The following WDR72 variants were observed in gnomAD, a reference collection of about 807,000 sequenced individuals.
The protein encoded by WDR72 is WD repeat-containing protein 72.
Under a neutral mutation model 124.2 loss-of-function variants are expected in WDR72, and 120 were observed. The observed-to-expected ratio is 0.97, with a 90% CI of 0.83 to 1.12. The LOEUF (loss-of-function observed/expected upper bound fraction) is 1.12, where lower values mean the gene tolerates loss of function less well. Among genes scored for constraint, WDR72 ranks in the 50% most tolerant of loss-of-function variants. The pLI is 0.00. For synonymous variants in WDR72, 452 were observed against 441.7 expected (o/e 1.02, Z -0.29); for missense variants, 1,387 against 1,278.8 (o/e 1.08, Z -1.29).
chr15:53,615,491 C>T lies in WDR72; in HGVS notation c.2715G>A (p.Leu905=). ...ATTTATTAACTAAAAATAGTCTGCTCAACAAATAAACTATAGTATCTGACT... is the reference window on the plus strand; with the variant it reads ...ATTTATTAACTAAAAATAGTCTGCTTAACAAATAAACTATAGTATCTGACT... ...LRESDTIVYL[L]SRLFLVNKLV... The change falls in exon 15 of 20, where the codon TTG becomes TTA. Residue 905 remains leucine (L), a synonymous_variant. Coordinates refer to ENST00000360509, the MANE Select transcript of WDR72 (RefSeq NM_182758.4). The T allele has an allele frequency of 6.2e-7, 1 of 1,612,374 alleles. No individual in the cohort carries two copies. Among genetic ancestry groups the T allele is most frequent in the Non-Finnish European group, 8.5e-7 (1 of 1,179,216 alleles).
At chr15:53,712,749 T>C (rs747761781) in intron 7 of WDR72, 23 bp downstream of exon 7, 1 of 1,605,782 alleles carries the variant, frequency 6.2e-7, no homozygotes, top group East Asian at 2.2e-5. Context: ...ATCACTGGTA[T>C]TTATTATGTT....
upstream of WDR72, among the ~76,000 whole-genome samples, chr15:53,760,951 C>G (rs1249370804): frequency 6.6e-6 from 1 of 152,052 alleles, no homozygotes. Flanking sequence ...TGATGAAAAC[C>G]TGTCTCTACT....
chr15:53,627,534 A>G (rs1001592202), intron 14 of WDR72, among the ~76,000 whole-genome samples: 17 of 152,348 alleles, frequency 1.1e-4, no homozygotes, highest in Non-Finnish European at 2.2e-4. Flanking sequence ...TTGACAAAAA[A>G]CGATGTAGCA....
intron 13 of WDR72, among the ~76,000 whole-genome samples, chr15:53,695,896 C>G (rs991375222): frequency 6.6e-6 from 1 of 152,194 alleles, no homozygotes; most frequent in African/African-American, 2.4e-5. Flanking sequence ...CAAGAGGCCT[C>G]GCAAACTTTC....
intron 13 of WDR72, among the ~76,000 whole-genome samples, chr15:53,682,408 T>C (rs753859718): frequency 9.9e-5 from 15 of 152,188 alleles, no homozygotes; most frequent in Non-Finnish European, 1.9e-4. Context: ...AATATATATA[T>C]ACAACGAGAC....
At chr15:53,667,507 G>C (rs2015821745) in intron 13 of WDR72, among the ~76,000 whole-genome samples, 1 of 152,052 alleles carries the variant, frequency 6.6e-6, no homozygotes, top group South Asian at 2.1e-4. Flanking sequence ...AACAAATGAA[G>C]CTGACAGCAA....
chr15:53,685,145 G>A (rs372856163), intron 13 of WDR72, among the ~76,000 whole-genome samples: 20 of 149,994 alleles, frequency 1.3e-4, no homozygotes, highest in African/African-American at 4.9e-4. Flanking sequence ...ACTCTAAAAC[G>A]CAGAGCGCCT....
chr15:53,738,586 TTTTGTTTG>T (rs58374481), intron 1 of WDR72, among the ~76,000 whole-genome samples: 13 of 151,822 alleles, frequency 8.6e-5, no homozygotes, highest in South Asian at 6.2e-4. Context: ...TTTTTTTTGT[TTTTGTTTG>T]TTTGTTTGTT....
At chr15:53,595,824 A>C (rs1186250305) in intron 18 of WDR72, among the ~76,000 whole-genome samples, 1 of 152,202 alleles carries the variant, frequency 6.6e-6, no homozygotes, top group Non-Finnish European at 1.5e-5. Flanking sequence ...ACAGAGGTGA[A>C]TTTACCAGAT....
intron 18 of WDR72, among the ~76,000 whole-genome samples, chr15:53,593,890 C>A (rs2012635448): frequency 6.6e-6 from 1 of 151,868 alleles, no homozygotes; most frequent in South Asian, 2.1e-4. Context: ...TAACTAATTT[C>A]TCAGGACAAA....
chr15:53,756,069 A>G (rs2018895708), intron 1 of WDR72, among the ~76,000 whole-genome samples: 1 of 152,170 alleles, frequency 6.6e-6, no homozygotes, highest in Non-Finnish European at 1.5e-5. Flanking sequence ...TAAAAATCAT[A>G]TCAGCTTTCT....
At chr15:53,639,246 G>C (rs187958101) in intron 14 of WDR72, among the ~76,000 whole-genome samples, 1 of 151,846 alleles carries the variant, frequency 6.6e-6, no homozygotes, top group Admixed American at 6.6e-5. Context: ...CTATGTGCTG[G>C]GTGATGTGCT....
At chr15:53,571,149 TG>T (rs968133088) in intron 18 of WDR72, among the ~76,000 whole-genome samples, 13 of 151,792 alleles carry the variant, frequency 8.6e-5, no homozygotes, top group African/African-American at 2.9e-4. Flanking sequence ...AAATGGGTGG[TG>T]GGGGAAAGAG....
At position 53,597,241 on chromosome 15, in the gene WDR72, C is replaced by G; in HGVS notation, c.2986G>C (p.Glu996Gln). The stretch of plus-strand genomic sequence containing the variant: ...AAACTCTTCATGTGTTGTTGAACTT[C>G]CGCCAAGAGAACAGCTTGTATTGCT... ...TEAIQAVLLA[E>Q]VQQHMKSLGK... Residue 996 changes from glutamate to glutamine, a missense_variant, in exon 18 of 20, where the codon GAA becomes CAA. Glu to Gln is a conservative substitution (Grantham distance 29). Coordinates refer to ENST00000360509, the MANE Select transcript of WDR72 (RefSeq NM_182758.4). 6.2e-7 allele frequency: 1 copy of G among 1,613,768 alleles called. No individual in the cohort carries two copies. Among genetic ancestry groups the G allele is most frequent in the East Asian group, 2.2e-5 (1 of 44,858 alleles).
chr15:53,686,529 C>A (rs182635030), intron 13 of WDR72, among the ~76,000 whole-genome samples: 4 of 151,914 alleles, frequency 2.6e-5, no homozygotes, highest in Admixed American at 2.0e-4. Flanking sequence ...AATATATATG[C>A]ACTCAACACA....
chr15:53,558,700 T>C (rs1894016706), intron 18 of WDR72, among the ~76,000 whole-genome samples: 1 of 152,038 alleles, frequency 6.6e-6, no homozygotes, highest in Non-Finnish European at 1.5e-5. Flanking sequence ...AAGAACCCTG[T>C]AATGTATTCC....
intron 18 of WDR72, among the ~76,000 whole-genome samples, chr15:53,543,099 A>C (rs2140263211): frequency 7.1e-6 from 1 of 141,480 alleles, no homozygotes; most frequent in African/African-American, 2.6e-5. Context: ...ACAGAAAGTC[A>C]ACAAGGATAC....
chr15:53,617,212 G>A (rs1906407), intron 14 of WDR72, among the ~76,000 whole-genome samples: 19,396 of 151,300 alleles, frequency 0.13, 2,804 homozygotes, highest in African/African-American at 0.36. Context: ...AAATATATAG[G>A]TATTTAAAAA....
At chr15:53,560,497 C>T (rs1175953053) in intron 18 of WDR72, among the ~76,000 whole-genome samples, 7 of 151,824 alleles carry the variant, frequency 4.6e-5, no homozygotes, top group Non-Finnish European at 7.4e-5. Context: ...CCACCCCTTC[C>T]TTCCTGTGCA....
Sources: gnomAD v4.1 joint callset for allele counts (sites outside exome capture counted in the v4.1 genomes callset) on GRCh38, gnomAD v4.1.1 for gene constraint, MANE v1.5 for transcripts, NCBI Gene and HGNC (gene_info 2026-07-23, HGNC 2026-07-21) for gene names.